CARNMT1: variants seen among roughly 807,000 people sequenced by gnomAD.
CARNMT1 encodes the protein carnosine N-methyltransferase 1, also known as protein-L-histidine N-pros-methyltransferase CARNMT1.
Under a neutral mutation model 49.6 loss-of-function variants are expected in CARNMT1, and 28 were observed. That is an observed-to-expected ratio of 0.56 (90% confidence interval 0.42 to 0.77). The LOEUF (loss-of-function observed/expected upper bound fraction) is 0.77. CARNMT1 is among the 30% of genes least tolerant of loss of function. The pLI is 0.00. For missense variants in CARNMT1, 421 were observed against 512.6 expected (o/e 0.82, Z 1.73); for synonymous variants, 178 against 175.0 (o/e 1.02, Z -0.13).
intron 3 of CARNMT1, among the ~76,000 whole-genome samples, chr9:75,003,276 CTT>C (rs1005553774): frequency 2.0e-5 from 3 of 152,236 alleles, no homozygotes; most frequent in Non-Finnish European, 4.4e-5. Flanking sequence ...CCTGAACTCT[CTT>C]CTCTATGCTT....
At chr9:75,017,143 A>G in intron 2 of CARNMT1, 110 bp downstream of exon 2, 1 of 768,896 alleles carries the variant, frequency 1.3e-6, no homozygotes, top group Non-Finnish European at 2.1e-6. Flanking sequence ...CTTTCTGAGT[A>G]GAGCAAATAG....
At chr9:75,008,181 A>C (rs948929124) in intron 3 of CARNMT1, among the ~76,000 whole-genome samples, 6 of 150,830 alleles carry the variant, frequency 4.0e-5, no homozygotes, top group African/African-American at 9.7e-5. Context: ...AAAAAAAAAA[A>C]AAAAAAAAAA....
At chr9:74,987,247 C>A (rs1237481252) in intron 6 of CARNMT1, among the ~76,000 whole-genome samples, 1 of 152,148 alleles carries the variant, frequency 6.6e-6, no homozygotes, top group East Asian at 1.9e-4. Context: ...GTTATAGATA[C>A]ACTCACCATA....
chr9:74,998,665 G>A lies in CARNMT1; in HGVS notation c.843C>T (p.His281=). ...RPIFFPDVDP[H]SLPPGSNFSM... ...AAAAGTTAGAACCAGGAGGAAGACTGTGGGGGTCAACATCAGGGAAAAAGA... is the reference window on the plus strand; with the variant it reads ...AAAAGTTAGAACCAGGAGGAAGACTATGGGGGTCAACATCAGGGAAAAAGA... The change falls in exon 5 of 8, where the codon CAC becomes CAT. Residue 281 remains histidine (H), a synonymous_variant. Coordinates refer to ENST00000376834, the MANE Select transcript of CARNMT1 (RefSeq NM_152420.3). 1 of 1,609,048 alleles carries A rather than the reference G, an allele frequency of 6.2e-7. No homozygotes were observed. Among genetic ancestry groups the A allele is most frequent in the Admixed American group, 1.7e-5 (1 of 59,088 alleles).
intron 1 of CARNMT1, among the ~76,000 whole-genome samples, chr9:75,026,485 G>A (rs1372551781): frequency 1.3e-5 from 2 of 152,174 alleles, no homozygotes; most frequent in African/African-American, 4.8e-5. Flanking sequence ...TTAGCTATCT[G>A]ATGTTAGCTG....
intron 4 of CARNMT1, 45 bp from the exon 5 acceptor site, chr9:74,998,821 C>A: frequency 8.4e-7 from 1 of 1,186,546 alleles, no homozygotes; most frequent in South Asian, 2.0e-5. Flanking sequence ...AAATATTTTA[C>A]CAAGAAAATC....
rs71368697 is a variant in CARNMT1, at chr9:75,008,168, T to TAAAA, written c.590+8096_590+8099dup. 1.0e-3 allele frequency among the ~76,000 whole-genome samples: 50 copies of TAAAA among 48,714 alleles called. 6 individuals carry two copies. Among genetic ancestry groups the TAAAA allele is most frequent in the Middle Eastern group, 0.016 (1 of 64 alleles). The allele number at this position is 48,714 out of a possible 152,430, so 32.0% of individuals were successfully genotyped here. A position where few individuals can be genotyped will look rare whatever the true frequency, so the allele number is the denominator to read the frequency against. On this transcript the variant is annotated intron_variant, in intron 3 of 7. Coordinates refer to ENST00000376834, the MANE Select transcript of CARNMT1 (RefSeq NM_152420.3). ...ATAACACTAAAAACAGCTGATGAGC[T>TAAAA]AAAAAAAAAAAAAAAAAAAAAAAAA... is the stretch of plus-strand genomic sequence containing the variant.
rs141275651 is a variant in CARNMT1 at position 75,014,232 on chromosome 9, G to A, written c.590+2036C>T. ...GGAAAAATAACTATTAGCAAATCCC[G>A]AACTCCTTTTAGTAGGTTTCTTTTT... On this transcript the variant is annotated intron_variant, in intron 3 of 7. Coordinates refer to ENST00000376834, the MANE Select transcript of CARNMT1 (RefSeq NM_152420.3). 6.0e-3 allele frequency among the ~76,000 whole-genome samples: 909 copies of A among 152,174 alleles called. 2 individuals carry two copies. The highest frequency in any genetic ancestry group is 9.4e-3 in the Non-Finnish European group (641 of 67,988).
chr9:75,012,545 A>G (rs1833724513), intron 3 of CARNMT1, among the ~76,000 whole-genome samples: 1 of 152,056 alleles, frequency 6.6e-6, no homozygotes, highest in African/African-American at 2.4e-5. Flanking sequence ...GCTCAGCCTA[A>G]GTGCTGGGAT....
intron 6 of CARNMT1, among the ~76,000 whole-genome samples, chr9:74,987,512 G>A (rs943782935): frequency 6.6e-6 from 1 of 152,124 alleles, no homozygotes; most frequent in African/African-American, 2.4e-5. Context: ...GTTATGCTAA[G>A]AAAGCCAGAG....
intron 6 of CARNMT1, among the ~76,000 whole-genome samples, chr9:74,988,588 C>A (rs937773027): frequency 6.6e-6 from 1 of 151,998 alleles, no homozygotes; most frequent in Non-Finnish European, 1.5e-5. Flanking sequence ...GTCTTTAGTC[C>A]GCCCATATCT....
intron 2 of CARNMT1, chr9:75,016,781 C>T (rs1259589671): frequency 3.8e-6 from 1 of 265,634 alleles, no homozygotes; most frequent in East Asian, 7.6e-5. Flanking sequence ...GAGGCTCACA[C>T]TGGAGTGGCC....
chr9:74,987,517 C>T (rs750631082), intron 6 of CARNMT1, among the ~76,000 whole-genome samples: 2 of 151,912 alleles, frequency 1.3e-5, no homozygotes, highest in African/African-American at 4.8e-5. Flanking sequence ...GCTAAGAAAG[C>T]CAGAGACAAA....
chr9:75,010,020 T>A (rs962788839), intron 3 of CARNMT1: 1 of 151,378 alleles, frequency 6.6e-6, no homozygotes, highest in Non-Finnish European at 1.5e-5. Flanking sequence ...TGTAGGGGTG[T>A]GCATGTATAT....
intron 3 of CARNMT1, among the ~76,000 whole-genome samples, chr9:75,000,523 T>C (rs1407119473): frequency 2.0e-5 from 3 of 152,140 alleles, no homozygotes; most frequent in Non-Finnish European, 2.9e-5. Context: ...TGCCATTACA[T>C]ATTTCCTTCA....
Position 75,027,877 on chromosome 9 carries a change from G to A in CARNMT1, c.230+135C>T, listed in dbSNP as rs532834626. ...GGTGCGAGGTGACTCGGGGCCCGGA[G>A]GTCAGCTGCAGCAGCCGGGTCCCGA... On this transcript the variant is annotated intron_variant, in intron 1 of 7. Transcript: ENST00000376834. 1.3e-4 allele frequency: 132 copies of A among 1,002,550 alleles called. 2 individuals carry two copies. The African/African-American group carries it at 1.8e-3, about 13-fold the overall frequency. 62.1% of individuals were successfully genotyped at this position (1,002,550 alleles called of 1,614,324 possible).
In CARNMT1 at chr9:75,004,311, A is replaced by G. The variant is rs923473479; in HGVS notation, c.591-4441T>C. ...TTATCTTTTAAATCTTTGCAATAAA[A>G]TAAGTAAAAAATGGCATCTTAACGT... On this transcript the variant is annotated intron_variant, in intron 3 of 7. Transcript: ENST00000376834. Among the ~76,000 whole-genome samples the G allele has an allele frequency of 3.3e-5, 5 of 152,376 alleles. No homozygotes were observed. In the East Asian group the frequency reaches 7.7e-4, roughly 23 times the overall value.
chr9:74,986,564 T>C (rs1276833905), intron 6 of CARNMT1, among the ~76,000 whole-genome samples: 1 of 152,242 alleles, frequency 6.6e-6, no homozygotes, highest in Non-Finnish European at 1.5e-5. Context: ...TTAAAGATTA[T>C]GCTGTTCCTG....
At chr9:75,027,583 C>T (rs1325550789) in intron 1 of CARNMT1, 3 of 480,364 alleles carry the variant, frequency 6.2e-6, no homozygotes, top group Non-Finnish European at 8.1e-6. Flanking sequence ...GCATCCCACG[C>T]GTAGGTGAAC....
Sources: allele counts gnomAD v4.1 joint callset (sites outside exome capture counted in the v4.1 genomes callset), GRCh38; gene constraint gnomAD v4.1.1; transcripts MANE v1.5; gene names NCBI Gene and HGNC (gene_info 2026-07-23, HGNC 2026-07-21).